RAMP3: variants seen among roughly 807,000 people sequenced by gnomAD.
The protein encoded by RAMP3 is receptor activity modifying protein 3.
Under a neutral mutation model 13.5 loss-of-function variants are expected in RAMP3, and 14 were observed. The observed-to-expected ratio is 1.04, with a 90% CI of 0.69 to 1.63. The LOEUF is 1.63. Among genes scored for constraint, RAMP3 ranks in the 40% most tolerant of loss-of-function variants. RAMP3 has a pLI of 0.00. For synonymous variants in RAMP3, 106 were observed against 88.3 expected, an observed-to-expected ratio of 1.20 and a Z score of -1.12; for missense variants, 200 against 204.8, an observed-to-expected ratio of 0.98 and a Z score of 0.14.
chr7:45,178,744 T>C (rs1786243804), intron 2 of RAMP3, among the ~76,000 whole-genome samples: 1 of 152,226 alleles, frequency 6.6e-6, no homozygotes, highest in Non-Finnish European at 1.5e-5. Context: ...TCGTAGCTTC[T>C]GGTCTTGCTC....
Position 45,183,245 on chromosome 7 carries a change from A to G in RAMP3, c.280A>G (p.Thr94Ala). The change falls in exon 3 of 3, where the codon ACC becomes GCC. Residue 94 changes from threonine (T) to alanine (A), a missense_variant. Physicochemically the swap from Thr to Ala is moderately conservative, Grantham distance 58. Coordinates refer to ENST00000242249, the MANE Select transcript of RAMP3 (RefSeq NM_005856.3). Reference protein sequence around the residue: ...WPNPLAQGFITGIHRQFFSNC... With the variant: ...WPNPLAQGFIAGIHRQFFSNC... ...CAACCCCCTGGCCCAGGGCTTCATC[A>G]CCGGCATCCACAGGCAGTTCTTCTC... 6.2e-7 allele frequency: 1 copy of G among 1,613,792 alleles called. No homozygotes were observed. Among genetic ancestry groups the G allele is most frequent in the South Asian group, 1.1e-5 (1 of 91,068 alleles).
chr7:45,168,697 A>C (rs2331219), intron 1 of RAMP3, among the ~76,000 whole-genome samples: 39,916 of 152,022 alleles, frequency 0.26, 6,365 homozygotes, highest in African/African-American at 0.44. Flanking sequence ...AGATTTTCTA[A>C]GTATAAAATC....
At chr7:45,158,208 G>T (rs1033813682) in intron 1 of RAMP3, among the ~76,000 whole-genome samples, 11 of 152,342 alleles carry the variant, frequency 7.2e-5, no homozygotes, top group African/African-American at 2.6e-4. Context: ...CAGGGTGGGC[G>T]AGAAGAGGTG....
At chr7:45,175,080 C>A (rs1236510418) in intron 1 of RAMP3, among the ~76,000 whole-genome samples, 1 of 152,130 alleles carries the variant, frequency 6.6e-6, no homozygotes, top group East Asian at 1.9e-4. Flanking sequence ...AGGTGAGCAC[C>A]CCAGAGGCTC....
rs55847662 is a variant in RAMP3 at position 45,162,971 on chromosome 7, C to T, written c.58+5085C>T. Among the ~76,000 whole-genome samples the T allele has an allele frequency of 9.8e-3, 1,494 of 152,298 alleles. 25 individuals carry two copies. The highest frequency in any genetic ancestry group is 0.034 in the African/African-American group (1,421 of 41,560). On this transcript the variant is annotated intron_variant, in intron 1 of 2. Transcript: ENST00000242249. ...GAGCTTGCAGAGATGAGTGCTTTGG[C>T]CTCCAAGCCTGCTGGACTGGAATCT... is the stretch of plus-strand genomic sequence containing the variant.
intron 1 of RAMP3, among the ~76,000 whole-genome samples, chr7:45,175,093 T>C (rs1033682463): frequency 1.3e-5 from 2 of 152,196 alleles, no homozygotes; most frequent in Non-Finnish European, 2.9e-5. Context: ...AGAGGCTCAC[T>C]CAGGGGTTGG....
chr7:45,182,440 T>C (rs1009737619), intron 2 of RAMP3, among the ~76,000 whole-genome samples: 1 of 151,982 alleles, frequency 6.6e-6, no homozygotes, highest in African/African-American at 2.4e-5. Context: ...GACCTCTGGG[T>C]CTTGGTGGCT....
At chr7:45,182,323 A>G (rs1736842153) in intron 2 of RAMP3, among the ~76,000 whole-genome samples, 2 of 152,106 alleles carry the variant, frequency 1.3e-5, no homozygotes, top group Admixed American at 6.5e-5. Context: ...ATCCTGAATG[A>G]GTGGCTGCCA....
chr7:45,183,835 C>T lies in RAMP3; in HGVS notation c.*423C>T, dbSNP rs1191890552. 1 of 451,062 alleles carries T rather than the reference C, an allele frequency of 2.2e-6. No individual in the cohort carries two copies. Among genetic ancestry groups the T allele is most frequent in the African/African-American group, 1.9e-5 (1 of 51,452 alleles). The allele number at this position is 451,062 out of a possible 1,614,324, so 27.9% of individuals were successfully genotyped here. On this transcript the variant is annotated 3_prime_UTR_variant, in exon 3 of 3. Coordinates refer to ENST00000242249, the MANE Select transcript of RAMP3 (RefSeq NM_005856.3). The stretch of plus-strand genomic sequence containing the variant: ...TCCTTGCTTGACCCCATCTCTGGTT[C>T]CTGCCCTGGCTCCTGCACCAGCCCC...
chr7:45,167,211 C>G (rs140024128), intron 1 of RAMP3, among the ~76,000 whole-genome samples: 3,891 of 152,186 alleles, frequency 0.026, 178 homozygotes, highest in African/African-American at 0.089. Context: ...CCTGCCACGG[C>G]CTCCCAAAGT....
chr7:45,171,730 C>T lies in RAMP3; in HGVS notation c.59-5579C>T, dbSNP rs1786087813. ...TGAGCAATCCTTCCACCTCAGCCTCCCAAAGTGATGGGATTACAGGTGTGG... is the reference window on the plus strand; with the variant it reads ...TGAGCAATCCTTCCACCTCAGCCTCTCAAAGTGATGGGATTACAGGTGTGG... On this transcript the variant is annotated intron_variant, in intron 1 of 2. Transcript: ENST00000242249. Among the ~76,000 whole-genome samples the T allele has an allele frequency of 2.0e-5, 3 of 152,182 alleles. No individual in the cohort carries two copies. The South Asian group carries it at 6.2e-4, about 32-fold the overall frequency.
rs556974843 is a variant in RAMP3 at position 45,184,115 on chromosome 7, G to A, written c.*703G>A. 3.8e-5 allele frequency: 15 copies of A among 399,476 alleles called. No homozygotes were observed. Among genetic ancestry groups the A allele is most frequent in the Admixed American group, 2.6e-4 (6 of 22,850 alleles). 24.7% of individuals were successfully genotyped at this position (399,476 alleles called of 1,614,324 possible). On this transcript the variant is annotated 3_prime_UTR_variant, in exon 3 of 3. Transcript: ENST00000242249. ...AGCCCCTCACCGGGACTTGCTGTGC[G>A]GATGGGGCCTGGGCCTCCTTCCTAC...
At chr7:45,170,723 TC>T (rs1786063776) in intron 1 of RAMP3, among the ~76,000 whole-genome samples, 2 of 152,160 alleles carry the variant, frequency 1.3e-5, no homozygotes, top group African/African-American at 4.8e-5. Context: ...ATGGCTCATT[TC>T]AGCCTTGAAC....
chr7:45,157,997 A>G (rs1043720795), intron 1 of RAMP3, 111 bp downstream of exon 1: 24 of 1,069,526 alleles, frequency 2.2e-5, no homozygotes, highest in Non-Finnish European at 2.8e-5. Flanking sequence ...CTTGCCCCGG[A>G]GCTCGGGAGG....
chr7:45,171,773 C>G (rs1256730882), intron 1 of RAMP3, among the ~76,000 whole-genome samples: 1 of 152,144 alleles, frequency 6.6e-6, no homozygotes, highest in African/African-American at 2.4e-5. Context: ...CGCCTGCCTC[C>G]ATTGTTTTTG....
intron 2 of RAMP3, among the ~76,000 whole-genome samples, chr7:45,182,616 C>T (rs905417727): frequency 6.6e-6 from 1 of 152,172 alleles, no homozygotes; most frequent in Non-Finnish European, 1.5e-5. Context: ...GAGGCAACTT[C>T]TGAGTAGGAG....
chr7:45,160,002 C>T (rs941392997), intron 1 of RAMP3, among the ~76,000 whole-genome samples: 1 of 152,092 alleles, frequency 6.6e-6, no homozygotes, highest in African/African-American at 2.4e-5. Context: ...GCCCAAGGGC[C>T]ATGGTTGGAT....
chr7:45,182,138 C>T (rs1786329101), intron 2 of RAMP3, among the ~76,000 whole-genome samples: 1 of 152,208 alleles, frequency 6.6e-6, no homozygotes, highest in Admixed American at 6.5e-5. Flanking sequence ...AGATCAGTGG[C>T]TCCCTCCTGG....
chr7:45,172,605 A>G (rs545741437), intron 1 of RAMP3, among the ~76,000 whole-genome samples: 5 of 152,174 alleles, frequency 3.3e-5, no homozygotes, highest in Non-Finnish European at 7.3e-5. Context: ...CTTCCCGAGT[A>G]GGTGGGACCA....
Sources: gnomAD v4.1 joint callset for allele counts (sites outside exome capture counted in the v4.1 genomes callset) on GRCh38, gnomAD v4.1.1 for gene constraint, MANE v1.5 for transcripts, NCBI Gene and HGNC (gene_info 2026-07-23, HGNC 2026-07-21) for gene names.